Variants in LRRK2 observed in about 807,000 individuals in gnomAD.
LRRK2 encodes the protein leucine-rich repeat serine/threonine-protein kinase 2.
A neutral mutation model predicts 302.6 loss-of-function variants in LRRK2; 203 were observed. The observed-to-expected ratio is 0.67, with a 90% confidence interval of 0.60 to 0.75. LRRK2 has a LOEUF of 0.75. LRRK2 is among the 30% of genes least tolerant of loss of function. The probability of loss-of-function intolerance (pLI) is 0.00; values close to 1 mark genes in which losing one functional copy is unlikely to be tolerated. For missense variants in LRRK2, 2,830 were observed against 2,951.0 expected (o/e 0.96, Z 0.95); for synonymous variants, 1,066 against 1,031.9 (o/e 1.03, Z -0.63).
intron 20 of LRRK2, among the ~76,000 whole-genome samples, chr12:40,292,521 A>C (rs7973479): frequency 0.41 from 61,578 of 151,454 alleles, 13,039 homozygotes; most frequent in South Asian, 0.54. Context: ...ATAATTTAAT[A>C]ATCTTTATAA....
chr12:40,308,751 G>T, intron 29 of LRRK2, 55 bp downstream of exon 29: 1 of 1,522,348 alleles, frequency 6.6e-7, no homozygotes, highest in Non-Finnish European at 9.0e-7. Flanking sequence ...TTGGAACAGG[G>T]ATTCAAAAAC....
chr12:40,230,973 T>G (rs1225230242), intron 2 of LRRK2, among the ~76,000 whole-genome samples: 1 of 152,184 alleles, frequency 6.6e-6, no homozygotes, highest in Non-Finnish European at 1.5e-5. Flanking sequence ...ATCAATTCAT[T>G]CTAGAGAAAT....
chr12:40,363,815 T>C (rs1326512307), intron 48 of LRRK2, among the ~76,000 whole-genome samples: 1 of 152,094 alleles, frequency 6.6e-6, no homozygotes, highest in Non-Finnish European at 1.5e-5. Flanking sequence ...ACTACATTAT[T>C]GAAAATGAGC....
intron 49 of LRRK2, 45 bp downstream of exon 49, chr12:40,365,095 A>G: frequency 6.5e-7 from 1 of 1,527,336 alleles, no homozygotes; most frequent in Non-Finnish European, 9.1e-7. Flanking sequence ...TCTAAGTCTT[A>G]TAAAATATGC....
At chr12:40,241,150 G>A (rs184742607) in intron 6 of LRRK2, among the ~76,000 whole-genome samples, 108 of 152,334 alleles carry the variant, frequency 7.1e-4, no homozygotes, top group African/African-American at 2.3e-3. Context: ...ATGAGTGTGC[G>A]TGCATGCATG....
chr12:40,294,635 A>C (rs574723128), intron 21 of LRRK2, among the ~76,000 whole-genome samples: 32 of 152,162 alleles, frequency 2.1e-4, no homozygotes, highest in Non-Finnish European at 3.7e-4. Context: ...AAAACAAAGG[A>C]GAAAGAGTAG....
At chr12:40,355,690 G>T (rs1011019521) in intron 45 of LRRK2, among the ~76,000 whole-genome samples, 11 of 151,848 alleles carry the variant, frequency 7.2e-5, no homozygotes, top group Non-Finnish European at 1.6e-4. Context: ...TTACAGGCGT[G>T]CACCACCAAA....
chr12:40,331,976 G>A (rs963243), intron 39 of LRRK2, among the ~76,000 whole-genome samples: 105,813 of 152,038 alleles, frequency 0.7, 37,145 homozygotes, highest in African/African-American at 0.77. Context: ...AGTACAGAAG[G>A]AAAGAGGGTA....
At position 40,355,240 on chromosome 12, in the gene LRRK2, A is replaced by G. The variant is rs11835467; in HGVS notation, c.6770+748A>G. The stretch of plus-strand genomic sequence containing the variant: ...TTGAATATGGTCAAAGAAAAATTTC[A>G]ATGGATGGAATTGGGCAAGGACGAC... On this transcript the variant is annotated intron_variant, in intron 45 of 50. Coordinates refer to ENST00000298910, the MANE Select transcript of LRRK2 (RefSeq NM_198578.4). Among the ~76,000 whole-genome samples the G allele has an allele frequency of 5.2e-3, 797 of 152,324 alleles. 12 individuals are homozygous for G. Among genetic ancestry groups the G allele is most frequent in the African/African-American group, 0.018 (762 of 41,564 alleles).
At chr12:40,298,804 ATG>A (rs1944492188) in intron 24 of LRRK2, among the ~76,000 whole-genome samples, 4 of 78,500 alleles carry the variant, frequency 5.1e-5, no homozygotes, top group African/African-American at 1.5e-4. Flanking sequence ...TATATAATAT[ATG>A]TATTATAATA....
intron 11 of LRRK2, 125 bp from the exon 12 acceptor site, chr12:40,257,123 A>G: frequency 1.4e-6 from 1 of 706,008 alleles, no homozygotes; most frequent in Non-Finnish European, 2.3e-6. Context: ...TCAATGAACT[A>G]TAAATTATGT....
intron 34 of LRRK2, among the ~76,000 whole-genome samples, chr12:40,320,755 G>C (rs1041411377): frequency 6.6e-6 from 1 of 151,890 alleles, no homozygotes; most frequent in Non-Finnish European, 1.5e-5. Context: ...ATTTATATAA[G>C]ATTACATTTG....
At chr12:40,307,715 A>G (rs941648809) in intron 28 of LRRK2, among the ~76,000 whole-genome samples, 4 of 150,842 alleles carry the variant, frequency 2.7e-5, no homozygotes, top group African/African-American at 9.7e-5. Flanking sequence ...CCTTGTTTCT[A>G]TGTCATATGG....
intron 2 of LRRK2, among the ~76,000 whole-genome samples, chr12:40,230,496 C>T (rs539406944): frequency 4.6e-5 from 7 of 152,228 alleles, no homozygotes; most frequent in East Asian, 3.9e-4. Flanking sequence ...ACCGCTCATC[C>T]GTTCTTATAC....
chr12:40,254,440 A>G (rs932858315), intron 11 of LRRK2, among the ~76,000 whole-genome samples: 1 of 152,154 alleles, frequency 6.6e-6, no homozygotes, highest in African/African-American at 2.4e-5. Flanking sequence ...GGCTGCTCTC[A>G]AGGATAATGA....
At chr12:40,251,994 C>T (rs1182609146) in intron 10 of LRRK2, among the ~76,000 whole-genome samples, 1 of 152,142 alleles carries the variant, frequency 6.6e-6, no homozygotes, top group East Asian at 1.9e-4. Flanking sequence ...GTTGACCTGT[C>T]TTCTTTCGAG....
At chr12:40,345,622 C>CAAAAAAAAA (rs144415226) in intron 41 of LRRK2, among the ~76,000 whole-genome samples, 64 of 67,424 alleles carry the variant, frequency 9.5e-4, no homozygotes, top group African/African-American at 1.4e-3. Context: ...GACTCCATCT[C>CAAAAAAAAA]AAAAAAAAAA....
intron 47 of LRRK2, among the ~76,000 whole-genome samples, chr12:40,360,032 A>G (rs11829463): frequency 6.2e-4 from 94 of 152,222 alleles, no homozygotes; most frequent in African/African-American, 2.1e-3. Flanking sequence ...GTTGGTTCTT[A>G]TTTATCACAT....
rs1162161211 is a variant in LRRK2, at chr12:40,282,007, CCGCTT to C, written c.2242-1866_2242-1862del. Among the ~76,000 whole-genome samples the C allele has an allele frequency of 3.7e-4, 53 of 142,776 alleles. 1 individual carries two copies. The East Asian group carries it at 4.9e-3, about 13-fold the overall frequency. 93.7% of individuals were successfully genotyped at this position (142,776 alleles called of 152,430 possible). On this transcript the variant is annotated intron_variant, in intron 18 of 50. Transcript: ENST00000298910. ...CATTTGTGAGTTTTTCCCTCCCTCC[CCGCTT>C]CCCTTCCCTTCCCTTCCCTTCCCTT...
Sources: gnomAD v4.1 joint callset for allele counts (sites outside exome capture counted in the v4.1 genomes callset) on GRCh38, gnomAD v4.1.1 for gene constraint, MANE v1.5 for transcripts, NCBI Gene and HGNC (gene_info 2026-07-23, HGNC 2026-07-21) for gene names.